MAP7: variants seen among roughly 807,000 people sequenced by gnomAD.
The protein encoded by MAP7 is microtubule associated protein 7, also known as ensconsin.
In MAP7, 52 loss-of-function variants were observed where a neutral mutation model predicts 94.8. That is an observed-to-expected ratio of 0.55 (90% CI 0.44 to 0.69). The LOEUF (loss-of-function observed/expected upper bound fraction) is 0.69, where lower values mean the gene tolerates loss of function less well. Among genes scored for constraint, MAP7 ranks in the 30% least tolerant of loss-of-function variants. The probability of loss-of-function intolerance (pLI) is 0.00; values close to 1 mark genes in which losing one functional copy is unlikely to be tolerated. For missense variants in MAP7, 940 were observed against 964.6 expected, an observed-to-expected ratio of 0.97 and a Z score of 0.34; for synonymous variants, 350 against 357.0, an observed-to-expected ratio of 0.98 and a Z score of 0.22.
chr6:136,419,429 A>G (rs532473775), intron 2 of MAP7, among the ~76,000 whole-genome samples: 1 of 152,264 alleles, frequency 6.6e-6, no homozygotes, highest in African/African-American at 2.4e-5. Context: ...TTTGAAACAC[A>G]TTTATTCATC....
At chr6:136,495,746 G>A (rs1339712057) in intron 1 of MAP7, among the ~76,000 whole-genome samples, 1 of 152,088 alleles carries the variant, frequency 6.6e-6, no homozygotes, top group East Asian at 1.9e-4. Context: ...AAAACGATAT[G>A]CATTTGGATA....
chr6:136,443,449 CTTTT>C (rs149514831), intron 1 of MAP7, among the ~76,000 whole-genome samples: 14 of 99,916 alleles, frequency 1.4e-4, no homozygotes, highest in Non-Finnish European at 1.7e-4. Flanking sequence ...TCCCCTTCTA[CTTTT>C]TTTTTTTTTT....
intron 7 of MAP7, 56 bp from the exon 8 acceptor site, chr6:136,372,681 G>C: frequency 1.2e-6 from 2 of 1,611,708 alleles, no homozygotes; most frequent in Non-Finnish European, 8.5e-7. Context: ...TTACACACAA[G>C]AGTGCCAGAG....
chr6:136,494,839 T>C (rs1235937850), intron 1 of MAP7, among the ~76,000 whole-genome samples: 1 of 152,172 alleles, frequency 6.6e-6, no homozygotes, highest in Non-Finnish European at 1.5e-5. Context: ...ATTAAATCAG[T>C]GGACAGAATA....
chr6:136,549,909 G>A (rs952632716), intron 1 of MAP7, among the ~76,000 whole-genome samples: 17 of 152,228 alleles, frequency 1.1e-4, no homozygotes, highest in Admixed American at 4.6e-4. Flanking sequence ...GGCGGGAGGA[G>A]GTGCCCAGAA....
chr6:136,432,153 A>G (rs2128810104), intron 1 of MAP7, among the ~76,000 whole-genome samples: 1 of 152,300 alleles, frequency 6.6e-6, no homozygotes, highest in African/African-American at 2.4e-5. Flanking sequence ...GAGAAAAGAA[A>G]ATCCCCAATT....
intron 1 of MAP7, among the ~76,000 whole-genome samples, chr6:136,525,380 A>G (rs1320042430): frequency 6.6e-6 from 1 of 152,212 alleles, no homozygotes. Context: ...CTCTGCCTAG[A>G]AAAGGTTGCA....
At chr6:136,424,327 T>A (rs1582874201) in intron 1 of MAP7, among the ~76,000 whole-genome samples, 1 of 143,648 alleles carries the variant, frequency 7.0e-6, no homozygotes, top group Non-Finnish European at 1.5e-5. Flanking sequence ...TTCTTTCATT[T>A]AAAAAAAAAA....
At position 136,381,877 on chromosome 6, in the gene MAP7, T is replaced by TACACACACACACAC. The variant is rs1156527948; in HGVS notation, c.637+1780_637+1793dup. Among the ~76,000 whole-genome samples, 234 of 93,018 alleles carry TACACACACACACAC rather than the reference T, an allele frequency of 2.5e-3. 1 individual carries two copies. Among genetic ancestry groups the TACACACACACACAC allele is most frequent in the African/African-American group, 7.5e-3 (158 of 21,060 alleles). 61.0% of individuals were successfully genotyped at this position (93,018 alleles called of 152,430 possible). A position where few individuals can be genotyped will look rare whatever the true frequency, so the allele number is the denominator to read the frequency against. ...CTCTACTCCTTACCACTTCTAACCT[T>TACACACACACACAC]ACACACACACACACACACACACACA... On this transcript the variant is annotated intron_variant, in intron 6 of 17. Coordinates refer to ENST00000354570, the MANE Select transcript of MAP7 (RefSeq NM_003980.6).
rs1826688608 is a variant in MAP7, at chr6:136,522,528, G to A, written c.67+27814C>T. 3.3e-5 allele frequency among the ~76,000 whole-genome samples: 5 copies of A among 152,216 alleles called. No homozygotes were observed. In the South Asian group the frequency reaches 1.0e-3, roughly 32 times the overall value. Reference sequence around the variant, plus strand: ...TCATTAGCCAGGATAATCCTGAACAGAAACATTCAACTCATCAAATTTAGA... The same window carrying A: ...TCATTAGCCAGGATAATCCTGAACAAAAACATTCAACTCATCAAATTTAGA... On this transcript the variant is annotated intron_variant, in intron 1 of 17. Transcript: ENST00000354570.
intron 2 of MAP7, chr6:136,420,277 C>T: frequency 1.1e-6 from 1 of 884,862 alleles, no homozygotes; most frequent in Non-Finnish European, 1.9e-6. Context: ...GAAGAGCCGG[C>T]CATGCTTCCA....
chr6:136,549,539 C>T (rs377750279), intron 1 of MAP7, among the ~76,000 whole-genome samples: 97 of 152,252 alleles, frequency 6.4e-4, no homozygotes, highest in African/African-American at 2.3e-3. Flanking sequence ...GTCTTGGGGA[C>T]GTGATCCCCT....
At chr6:136,482,196 G>A (rs994862414) in intron 1 of MAP7, among the ~76,000 whole-genome samples, 1 of 152,362 alleles carries the variant, frequency 6.6e-6, no homozygotes, top group Middle Eastern at 3.4e-3. Flanking sequence ...ATTAGTCACA[G>A]TGGAAAGCAG....
At chr6:136,454,302 T>TCTAC (rs1170101361) in intron 1 of MAP7, among the ~76,000 whole-genome samples, 1 of 151,536 alleles carries the variant, frequency 6.6e-6, no homozygotes, top group Non-Finnish European at 1.5e-5. Context: ...TATCTATCTA[T>TCTAC]CTATCTATCT....
intron 1 of MAP7, among the ~76,000 whole-genome samples, chr6:136,473,591 T>C (rs911278431): frequency 6.6e-6 from 1 of 152,204 alleles, no homozygotes; most frequent in African/African-American, 2.4e-5. Context: ...GGCTGTATAA[T>C]ATTGAATCAT....
At chr6:136,367,111 A>G (rs2128588539) in intron 8 of MAP7, among the ~76,000 whole-genome samples, 1 of 152,336 alleles carries the variant, frequency 6.6e-6, no homozygotes, top group South Asian at 2.1e-4. Flanking sequence ...AAGGTGGGCC[A>G]AAACATCACC....
intron 14 of MAP7, 48 bp downstream of exon 14, chr6:136,359,933 A>G: frequency 6.2e-7 from 1 of 1,609,298 alleles, no homozygotes; most frequent in Non-Finnish European, 8.5e-7. Flanking sequence ...GTGAAAATGA[A>G]AAAGATAAAA....
intron 1 of MAP7, among the ~76,000 whole-genome samples, chr6:136,493,000 A>G (rs1212653491): frequency 1.3e-5 from 2 of 152,002 alleles, no homozygotes; most frequent in African/African-American, 4.8e-5. Context: ...GATTGGAAAA[A>G]TTCTTTTGAA....
intron 1 of MAP7, among the ~76,000 whole-genome samples, chr6:136,435,292 A>AG (rs1478093874): frequency 4.6e-5 from 7 of 152,156 alleles, no homozygotes; most frequent in Non-Finnish European, 1.0e-4. Context: ...CTTGCGTCCC[A>AG]GGGGGCAAAG....
Sources: allele counts gnomAD v4.1 joint callset (sites outside exome capture counted in the v4.1 genomes callset), GRCh38; gene constraint gnomAD v4.1.1; transcripts MANE v1.5; gene names NCBI Gene and HGNC (gene_info 2026-07-23, HGNC 2026-07-21).